Variants in CTNNA2 observed in about 807,000 individuals in gnomAD.
The protein encoded by CTNNA2 is catenin alpha-2.
In CTNNA2, 42 loss-of-function variants were observed where a neutral mutation model predicts 101.0. That is an observed-to-expected ratio of 0.42 (90% CI 0.32 to 0.54). The LOEUF (loss-of-function observed/expected upper bound fraction) is 0.54. Among genes scored for constraint, CTNNA2 ranks in the 20% least tolerant of loss-of-function variants. CTNNA2 has a pLI of 0.14. For synonymous variants in CTNNA2, 450 were observed against 456.4 expected (o/e 0.99, Z 0.18); for missense variants, 871 against 1,223.1 (o/e 0.71, Z 4.29).
At chr2:80,035,711 T>C (rs1265479536) in intron 7 of CTNNA2, among the ~76,000 whole-genome samples, 1 of 152,138 alleles carries the variant, frequency 6.6e-6, no homozygotes, top group African/African-American at 2.4e-5. Context: ...TAAAATTCAA[T>C]TTGTATGAAA....
At chr2:80,536,007 G>A (rs1690982209) in intron 9 of CTNNA2, among the ~76,000 whole-genome samples, 2 of 152,162 alleles carry the variant, frequency 1.3e-5, no homozygotes, top group African/African-American at 4.8e-5. Flanking sequence ...ATCGAAGGCT[G>A]AGCCTGTTTT....
At chr2:80,225,352 G>A (rs1269673984) in intron 7 of CTNNA2, among the ~76,000 whole-genome samples, 1 of 152,144 alleles carries the variant, frequency 6.6e-6, no homozygotes, top group African/African-American at 2.4e-5. Context: ...TCTCATTTGT[G>A]TCTCTGGGCA....
At chr2:80,211,679 A>AGGAT (rs1471278580) in intron 7 of CTNNA2, among the ~76,000 whole-genome samples, 1 of 152,202 alleles carries the variant, frequency 6.6e-6, no homozygotes, top group African/African-American at 2.4e-5. Context: ...CTTTTGGCTG[A>AGGAT]GGATTGTCTT....
chr2:80,027,478 G>A (rs578023526), intron 7 of CTNNA2, among the ~76,000 whole-genome samples: 1 of 152,332 alleles, frequency 6.6e-6, no homozygotes, highest in Admixed American at 6.5e-5. Context: ...TTTTTCAGAA[G>A]ATCTGGCTTC....
chr2:80,057,171 A>ATT (rs1558766944), intron 7 of CTNNA2, among the ~76,000 whole-genome samples: 2 of 142,452 alleles, frequency 1.4e-5, no homozygotes, highest in African/African-American at 6.0e-5. Context: ...GAAGTATATA[A>ATT]GTTGTTTTTT....
chr2:80,519,626 T>C (rs1689369391), intron 9 of CTNNA2, among the ~76,000 whole-genome samples: 1 of 152,250 alleles, frequency 6.6e-6, no homozygotes, highest in Non-Finnish European at 1.5e-5. Context: ...ACCTGATCTA[T>C]TCTGACCTCC....
Position 79,909,749 on chromosome 2 carries a change from C to T in CTNNA2, c.1008C>T (p.Asn336=), listed in dbSNP as rs568056658. 3 of 1,613,238 alleles carry T rather than the reference C, an allele frequency of 1.9e-6. No homozygotes were observed. Among genetic ancestry groups the T allele is most frequent in the African/African-American group, 1.3e-5 (1 of 75,042 alleles). ...GCGAGAGGATCGTGGCGGAGTGCAA[C>T]GCCGTGCGGCAGGCGCTCCAGGACC... ...DRRERIVAEC[N]AVRQALQDLL... The change falls in exon 7 of 19, where the codon AAC becomes AAT. Residue 336 remains asparagine (N), a synonymous_variant. Coordinates refer to ENST00000402739, the MANE Select transcript of CTNNA2 (RefSeq NM_001282597.3).
At chr2:79,689,005 G>A (rs889211206) in intron 2 of CTNNA2, among the ~76,000 whole-genome samples, 1 of 151,772 alleles carries the variant, frequency 6.6e-6, no homozygotes, top group African/African-American at 2.4e-5. Flanking sequence ...ATCTGGAGGG[G>A]TATTCATTCA....
chr2:79,568,697 T>C (rs1675269572), intron 1 of CTNNA2, among the ~76,000 whole-genome samples: 1 of 151,736 alleles, frequency 6.6e-6, no homozygotes, highest in South Asian at 2.1e-4. Flanking sequence ...TATTTCATTA[T>C]TGAGTAAATA....
At chr2:79,965,082 T>C (rs1019874005) in intron 7 of CTNNA2, among the ~76,000 whole-genome samples, 1 of 152,210 alleles carries the variant, frequency 6.6e-6, no homozygotes, top group African/African-American at 2.4e-5. Flanking sequence ...ATTCCAAGAA[T>C]TTTTCTCTCT....
chr2:79,776,609 A>G (rs1206233289), intron 3 of CTNNA2, among the ~76,000 whole-genome samples: 1 of 152,228 alleles, frequency 6.6e-6, no homozygotes, highest in Non-Finnish European at 1.5e-5. Flanking sequence ...CTTATCATAA[A>G]GTAGTTCTAA....
At chr2:80,476,632 T>C (rs1315200060) in intron 9 of CTNNA2, among the ~76,000 whole-genome samples, 1 of 152,188 alleles carries the variant, frequency 6.6e-6, no homozygotes, top group Non-Finnish European at 1.5e-5. Flanking sequence ...TTATAAGAAG[T>C]GAAACTCAGA....
chr2:79,286,902 T>G (rs1181820059), intron 2 of CTNNA2, among the ~76,000 whole-genome samples: 1 of 152,212 alleles, frequency 6.6e-6, no homozygotes, highest in African/African-American at 2.4e-5. Context: ...CAATCAGACA[T>G]AGATTTGGTC....
chr2:80,276,781 A>G (rs1383332293), intron 7 of CTNNA2, among the ~76,000 whole-genome samples: 2 of 152,096 alleles, frequency 1.3e-5, no homozygotes, highest in Non-Finnish European at 2.9e-5. Context: ...AATGGCACCA[A>G]CCCATTCATA....
At chr2:79,203,143 C>T (rs1011866707) in intron 2 of CTNNA2, among the ~76,000 whole-genome samples, 1 of 152,158 alleles carries the variant, frequency 6.6e-6, no homozygotes, top group Non-Finnish European at 1.5e-5. Context: ...TTGGGACTCT[C>T]CTATTGCTTC....
intron 2 of CTNNA2, among the ~76,000 whole-genome samples, chr2:79,653,511 A>T (rs780621997): frequency 6.6e-6 from 1 of 152,102 alleles, no homozygotes; most frequent in Non-Finnish European, 1.5e-5. Flanking sequence ...GGCTGAGGGG[A>T]TCCATGAATT....
intron 7 of CTNNA2, among the ~76,000 whole-genome samples, chr2:80,097,674 G>A (rs1290958021): frequency 6.6e-6 from 1 of 152,174 alleles, no homozygotes; most frequent in Non-Finnish European, 1.5e-5. Flanking sequence ...TTTTCACAGA[G>A]TCCCATATTT....
chr2:80,380,825 G>A (rs917492100), intron 7 of CTNNA2, among the ~76,000 whole-genome samples: 4 of 152,122 alleles, frequency 2.6e-5, no homozygotes, highest in Non-Finnish European at 5.9e-5. Flanking sequence ...ACGCTACAGA[G>A]AGCAAAGTGT....
At chr2:80,277,876 A>G (rs532386357) in intron 7 of CTNNA2, among the ~76,000 whole-genome samples, 11 of 152,240 alleles carry the variant, frequency 7.2e-5, no homozygotes, top group South Asian at 4.2e-4. Flanking sequence ...AACAGTTACT[A>G]GAAGAGTGAG....
Sources: gnomAD v4.1 joint callset for allele counts (sites outside exome capture counted in the v4.1 genomes callset) on GRCh38, gnomAD v4.1.1 for gene constraint, MANE v1.5 for transcripts, NCBI Gene and HGNC (gene_info 2026-07-23, HGNC 2026-07-21) for gene names.